RPTOR: variants seen among roughly 807,000 people sequenced by gnomAD.
RPTOR encodes regulatory associated protein of MTOR complex 1.
Under a neutral mutation model 169.9 loss-of-function variants are expected in RPTOR, and 21 were observed. That is an observed-to-expected ratio of 0.12 (90% CI 0.09 to 0.18). The LOEUF is 0.18. Ranked by LOEUF, RPTOR falls within the 10% of genes least tolerant of loss-of-function variation. The pLI is 1.00. For missense variants in RPTOR, 1,133 were observed against 1,855.9 expected, an observed-to-expected ratio of 0.61 and a Z score of 7.16; for synonymous variants, 732 against 753.2, an observed-to-expected ratio of 0.97 and a Z score of 0.46.
At chr17:80,854,214 C>A (rs2067827548) in intron 11 of RPTOR, among the ~76,000 whole-genome samples, 1 of 152,236 alleles carries the variant, frequency 6.6e-6, no homozygotes, top group African/African-American at 2.4e-5. Flanking sequence ...TGTATTTTCA[C>A]CTGTCCTTTT....
Position 80,583,100 on chromosome 17 carries a change from T to C in RPTOR, c.162+37309T>C, listed in dbSNP as rs113962542. Among the ~76,000 whole-genome samples, 252 of 151,508 alleles carry C rather than the reference T, an allele frequency of 1.7e-3. 1 individual carries two copies. The highest frequency in any genetic ancestry group is 5.4e-3 in the African/African-American group (223 of 41,258). On this transcript the variant is annotated intron_variant, in intron 1 of 33. Coordinates refer to ENST00000306801, the MANE Select transcript of RPTOR (RefSeq NM_020761.3). The stretch of plus-strand genomic sequence containing the variant: ...CTGGCTAAATATTCTCAGTTATACT[T>C]TCAGTACACATAAAGGCAGTTGTCA...
chr17:80,595,596 C>T (rs2065139047), intron 1 of RPTOR, among the ~76,000 whole-genome samples: 1 of 152,208 alleles, frequency 6.6e-6, no homozygotes, highest in South Asian at 2.1e-4. Flanking sequence ...GCAGGGACCA[C>T]AGGTGTGCAC....
intron 5 of RPTOR, among the ~76,000 whole-genome samples, chr17:80,735,751 C>G (rs914558828): frequency 6.6e-6 from 1 of 152,132 alleles, no homozygotes; most frequent in African/African-American, 2.4e-5. Context: ...AAGTCTTGTT[C>G]TGCACATAGC....
At chr17:80,937,721 C>T (rs1355971791) in intron 24 of RPTOR, among the ~76,000 whole-genome samples, 1 of 152,194 alleles carries the variant, frequency 6.6e-6, no homozygotes, top group Non-Finnish European at 1.5e-5. Flanking sequence ...GGAGAGGAGG[C>T]GACAGAGCCG....
chr17:80,784,740 C>T (rs1207508928), intron 6 of RPTOR, among the ~76,000 whole-genome samples: 1 of 150,928 alleles, frequency 6.6e-6, no homozygotes, highest in Non-Finnish European at 1.5e-5. Context: ...CTCTTTTTGC[C>T]AAGGCTGGAG....
intron 7 of RPTOR, among the ~76,000 whole-genome samples, chr17:80,800,407 T>G (rs1043579690): frequency 1.3e-5 from 2 of 152,204 alleles, no homozygotes; most frequent in African/African-American, 4.8e-5. Context: ...TTCGCCGTCC[T>G]TGTCAGATGG....
At chr17:80,588,353 G>A (rs1040126066) in intron 1 of RPTOR, among the ~76,000 whole-genome samples, 1 of 151,868 alleles carries the variant, frequency 6.6e-6, no homozygotes, top group African/African-American at 2.4e-5. Flanking sequence ...AGTAGAGATG[G>A]GGTTTCACCA....
At chr17:80,892,461 G>A (rs927423446) in intron 18 of RPTOR, among the ~76,000 whole-genome samples, 7 of 152,214 alleles carry the variant, frequency 4.6e-5, no homozygotes, top group African/African-American at 1.7e-4. Flanking sequence ...GTGTGCACTC[G>A]GACAGGCCGC....
In RPTOR at chr17:80,962,535, T is replaced by C. The variant is rs1198817759; in HGVS notation, c.3767T>C (p.Leu1256Pro). The C allele has an allele frequency of 6.2e-7, 1 of 1,613,838 alleles. No homozygotes were observed. The highest frequency in any genetic ancestry group is 2.2e-5 in the East Asian group (1 of 44,878). ...SVNVLQIVKG[L>P]TALDIHPQAD... Reference sequence around the variant, plus strand: ...AATGTGCTTCAGATCGTGAAGGGGCTGACGGCCCTGGACATCCACCCCCAG... The same window carrying C: ...AATGTGCTTCAGATCGTGAAGGGGCCGACGGCCCTGGACATCCACCCCCAG... The change falls in exon 32 of 34, where the codon CTG becomes CCG. Residue 1256 changes from leucine (L) to proline (P), a missense_variant. Transcript: ENST00000306801.
chr17:80,554,059 C>T (rs1224915102), intron 1 of RPTOR, among the ~76,000 whole-genome samples: 1 of 151,350 alleles, frequency 6.6e-6, no homozygotes, highest in African/African-American at 2.4e-5. Flanking sequence ...CTGTTGTGTG[C>T]GTGTGTGTAT....
rs2069305320 is a variant in RPTOR at position 80,959,466 on chromosome 17, C to T, written c.3478-612C>T. Among the ~76,000 whole-genome samples the T allele has an allele frequency of 6.6e-6, 1 of 152,178 alleles. No individual in the cohort carries two copies. Among genetic ancestry groups the T allele is most frequent in the African/African-American group, 2.4e-5 (1 of 41,440 alleles). ...CATCATCCCCACGCCTGTGTTTCCT[C>T]CTGGAGTGCACAACCCAGCACCGCC... On this transcript the variant is annotated intron_variant, in intron 29 of 33. Transcript: ENST00000306801. This position sits in a 1 kb window ranked among gnomAD's most constrained non-coding sequence, Gnocchi z 6.7.
At chr17:80,961,713 TGGGCTGCCAACTGCGGA>T (rs1250274688) in intron 31 of RPTOR, 2 of 524,194 alleles carry the variant, frequency 3.8e-6, no homozygotes, top group East Asian at 6.5e-5. Flanking sequence ...GGAACTTTCC[TGGGCTGCCAACTGCGGA>T]GGGTTCCGGG....
rs1445802708 is a variant in RPTOR, at chr17:80,548,630, C to T, written c.162+2839C>T. Among the ~76,000 whole-genome samples the T allele has an allele frequency of 3.3e-5, 5 of 152,046 alleles. No homozygotes were observed. In the East Asian group the frequency reaches 9.6e-4, roughly 29 times the overall value. On this transcript the variant is annotated intron_variant, in intron 1 of 33. Coordinates refer to ENST00000306801, the MANE Select transcript of RPTOR (RefSeq NM_020761.3). ...TCGGGTCGTTCACCTGCCTCAGCCT[C>T]CCAAAGTGCTGGGATTACAGGTGTG...
At chr17:80,620,196 C>T (rs2065344439) in intron 1 of RPTOR, among the ~76,000 whole-genome samples, 1 of 152,132 alleles carries the variant, frequency 6.6e-6, no homozygotes. Context: ...TATAGTTTCT[C>T]AAAATGATAC....
intron 4 of RPTOR, among the ~76,000 whole-genome samples, chr17:80,711,744 C>CTTTTTTT (rs1226456124): frequency 0.2 from 17,469 of 87,402 alleles, 3,301 homozygotes; most frequent in Non-Finnish European, 0.25. Context: ...ATACATCAGT[C>CTTTTTTT]TTTTTTTTTT....
chr17:80,629,681 A>G (rs7219675), intron 2 of RPTOR, among the ~76,000 whole-genome samples: 15,076 of 148,150 alleles, frequency 0.1, 750 homozygotes, highest in Middle Eastern at 0.15. Context: ...TCAGCTCTCT[A>G]TGTATTGTGT....
chr17:80,837,335 C>A (rs1162064547), intron 9 of RPTOR, among the ~76,000 whole-genome samples: 1 of 152,106 alleles, frequency 6.6e-6, no homozygotes, highest in East Asian at 1.9e-4. Flanking sequence ...TGGCTGTCCA[C>A]ACCAGGGAGC....
At position 80,659,960 on chromosome 17, in the gene RPTOR, CT is replaced by C. The variant is rs963613815; in HGVS notation, c.348+16154del. On this transcript the variant is annotated intron_variant, in intron 3 of 33. Coordinates refer to ENST00000306801, the MANE Select transcript of RPTOR (RefSeq NM_020761.3). The surrounding 1 kb of genome is among the most constrained non-coding windows in gnomAD (Gnocchi z 4.3). ...CCGTGCCTGGCCTGCAGGTAATATTCTTTTGTGTATATATAAGAATTTAAAT... is the reference window on the plus strand; with the variant it reads ...CCGTGCCTGGCCTGCAGGTAATATTCTTTGTGTATATATAAGAATTTAAAT... Among the ~76,000 whole-genome samples the C allele has an allele frequency of 3.9e-4, 59 of 151,884 alleles. No individual in the cohort carries two copies. Among genetic ancestry groups the C allele is most frequent in the Non-Finnish European group, 5.6e-4 (38 of 67,990 alleles).
In RPTOR at chr17:80,857,853, C is replaced by A; in HGVS notation, c.1462C>A (p.Arg488=). ...KLLQSSAREL[R]PLLVFIWAKI... ...GCTCCAGAGCTCGGCCCGAGAGCTG[C>A]GGCCACTTCTCGTTTTCATCTGGGC... The change falls in exon 13 of 34, where the codon CGG becomes AGG. Residue 488 remains arginine (R), a synonymous_variant. Transcript: ENST00000306801. The A allele has an allele frequency of 6.2e-7, 1 of 1,613,318 alleles. No homozygotes were observed. Among genetic ancestry groups the A allele is most frequent in the Non-Finnish European group, 8.5e-7 (1 of 1,179,964 alleles).
Sources: gnomAD v4.1 joint callset for allele counts (sites outside exome capture counted in the v4.1 genomes callset) on GRCh38, gnomAD v4.1.1 for gene constraint, Gnocchi (gnomAD v3.1) non-coding constraint, MANE v1.5 for transcripts, NCBI Gene and HGNC (gene_info 2026-07-23, HGNC 2026-07-21) for gene names.